The following AGMO variants were observed in gnomAD, a reference collection of about 807,000 sequenced individuals.
AGMO encodes the protein alkylglycerol monooxygenase.
AGMO carries 75 observed loss-of-function variants against 60.2 expected under a neutral mutation model. The ratio of observed to expected loss-of-function variants is 1.25; its 90% CI spans 1.03 to 1.51. The LOEUF is 1.51. AGMO is among the 40% of genes most tolerant of loss of function. The pLI is 0.00. For missense variants in AGMO, 763 were observed against 525.5 expected (o/e 1.45, Z -4.42); for synonymous variants, 261 against 177.1 (o/e 1.47, Z -3.76).
intron 3 of AGMO, among the ~76,000 whole-genome samples, chr7:15,503,131 A>C (rs1783429782): frequency 6.6e-6 from 1 of 152,000 alleles, no homozygotes; most frequent in Admixed American, 6.6e-5. Flanking sequence ...GTATTCATTC[A>C]GTTCTTTCCT....
chr7:15,418,780 T>C (rs1195084733), intron 4 of AGMO, 127 bp from the exon 5 acceptor site: 19 of 595,304 alleles, frequency 3.2e-5, no homozygotes, highest in African/African-American at 1.0e-4. Context: ...GTATATTTTA[T>C]TGCCATGTTT....
intron 12 of AGMO, among the ~76,000 whole-genome samples, chr7:15,267,071 T>C (rs548443677): frequency 2.0e-5 from 3 of 152,162 alleles, no homozygotes; most frequent in African/African-American, 4.8e-5. Flanking sequence ...GAAATCTTCC[T>C]CATTAGAGGC....
chr7:15,246,304 A>G (rs1240741848), intron 12 of AGMO, among the ~76,000 whole-genome samples: 1 of 152,036 alleles, frequency 6.6e-6, no homozygotes, highest in Admixed American at 6.5e-5. Flanking sequence ...TAACTAATGA[A>G]TACATTTGTT....
At chr7:15,218,754 C>T (rs1781825010) in intron 12 of AGMO, among the ~76,000 whole-genome samples, 1 of 152,106 alleles carries the variant, frequency 6.6e-6, no homozygotes, top group Middle Eastern at 3.4e-3. Flanking sequence ...AGATCAGACC[C>T]GAGGTGGCAA....
chr7:15,215,580 G>T (rs1307237531), intron 12 of AGMO, among the ~76,000 whole-genome samples: 1 of 151,932 alleles, frequency 6.6e-6, no homozygotes, highest in East Asian at 1.9e-4. Context: ...ATATTGTTTT[G>T]GTACTATATG....
Position 15,530,660 on chromosome 7 carries a change from C to T in AGMO, c.409+14112G>A, listed in dbSNP as rs192523604. On this transcript the variant is annotated intron_variant, in intron 3 of 12. Coordinates refer to ENST00000342526, the MANE Select transcript of AGMO (RefSeq NM_001004320.2). Reference sequence around the variant, plus strand: ...TATTTCTATATATATATTCTATATACGTATTTCTATATATATATTCTATAT... The same window carrying T: ...TATTTCTATATATATATTCTATATATGTATTTCTATATATATATTCTATAT... 1.7e-3 allele frequency among the ~76,000 whole-genome samples: 211 copies of T among 126,028 alleles called. 11 individuals are homozygous for T. Among genetic ancestry groups the T allele is most frequent in the African/African-American group, 5.8e-3 (197 of 34,188 alleles). The allele number at this position is 126,028 out of a possible 152,430, so 82.7% of individuals were successfully genotyped here. A position where few individuals can be genotyped will look rare whatever the true frequency, so the allele number is the denominator to read the frequency against.
chr7:15,280,559 C>T (rs1299371805), intron 12 of AGMO, among the ~76,000 whole-genome samples: 1 of 152,146 alleles, frequency 6.6e-6, no homozygotes, highest in Non-Finnish European at 1.5e-5. Context: ...AGCTCTACGG[C>T]CCCACCTATA....
chr7:15,168,602 A>C, the AGMO span, among the ~76,000 whole-genome samples: 1 of 152,212 alleles, frequency 6.6e-6, no homozygotes, highest in East Asian at 1.9e-4. Flanking sequence ...TGCATTGGCT[A>C]ATAACATACG....
chr7:15,456,251 C>T (rs893470464), intron 3 of AGMO, among the ~76,000 whole-genome samples: 7 of 152,050 alleles, frequency 4.6e-5, no homozygotes, highest in Non-Finnish European at 8.8e-5. Flanking sequence ...TTTATAAATA[C>T]AATACTACTC....
intron 12 of AGMO, among the ~76,000 whole-genome samples, chr7:15,340,424 CTTACTACATAACAAATTT>C (rs1306003866): frequency 3.9e-5 from 6 of 152,172 alleles, no homozygotes; most frequent in Non-Finnish European, 7.3e-5. Flanking sequence ...CAGAGACAAT[CTTACTACATAACAAATTT>C]TGGGCTTCAT....
chr7:15,276,937 A>T (rs375820631), intron 12 of AGMO, among the ~76,000 whole-genome samples: 45 of 133,870 alleles, frequency 3.4e-4, no homozygotes, highest in African/African-American at 1.0e-3. Context: ...CATTTCCTGG[A>T]TTGCCTTTCT....
chr7:15,548,582 T>C (rs1784856604), intron 2 of AGMO, among the ~76,000 whole-genome samples: 2 of 151,652 alleles, frequency 1.3e-5, no homozygotes, highest in African/African-American at 4.9e-5. Context: ...GAAGATGAAA[T>C]GAATGAAATG....
intron 12 of AGMO, among the ~76,000 whole-genome samples, chr7:15,268,311 T>C (rs1315163282): frequency 6.6e-6 from 1 of 152,034 alleles, no homozygotes; most frequent in Non-Finnish European, 1.5e-5. Flanking sequence ...CCTCTCAAGA[T>C]CATTTATTTC....
chr7:15,245,361 G>A (rs921792787), intron 12 of AGMO, among the ~76,000 whole-genome samples: 1 of 152,112 alleles, frequency 6.6e-6, no homozygotes, highest in Non-Finnish European at 1.5e-5. Context: ...AAATGCTAAG[G>A]ATAGTCTAAA....
At chr7:15,434,599 C>A (rs758624427) in intron 3 of AGMO, among the ~76,000 whole-genome samples, 9 of 152,120 alleles carry the variant, frequency 5.9e-5, no homozygotes, top group Non-Finnish European at 1.2e-4. Context: ...TCATGAAGAA[C>A]TGAATTCTGC....
intron 3 of AGMO, among the ~76,000 whole-genome samples, chr7:15,439,512 T>C (rs535323669): frequency 2.8e-4 from 43 of 152,194 alleles, no homozygotes; most frequent in Admixed American, 1.1e-3. Context: ...CTTTGGGCAG[T>C]TGTGTTTAAC....
chr7:15,432,328 GTATATA>G (rs139554246), intron 3 of AGMO, among the ~76,000 whole-genome samples: 2 of 75,458 alleles, frequency 2.7e-5, no homozygotes, highest in Non-Finnish European at 5.7e-5. Flanking sequence ...GTGTATATAT[GTATATA>G]TATATATATA....
chr7:15,362,752 T>G (rs1782814302), intron 12 of AGMO, among the ~76,000 whole-genome samples: 1 of 152,204 alleles, frequency 6.6e-6, no homozygotes, highest in Non-Finnish European at 1.5e-5. Flanking sequence ...AGGTAAATTA[T>G]TCAAACCACG....
At chr7:15,216,613 A>G (rs981160127) in intron 12 of AGMO, among the ~76,000 whole-genome samples, 2 of 152,174 alleles carry the variant, frequency 1.3e-5, no homozygotes, top group Non-Finnish European at 2.9e-5. Flanking sequence ...TGTCACTAAA[A>G]TTCAATATAA....
Sources: allele counts gnomAD v4.1 joint callset (sites outside exome capture counted in the v4.1 genomes callset), GRCh38; gene constraint gnomAD v4.1.1; transcripts MANE v1.5; gene names NCBI Gene and HGNC (gene_info 2026-07-23, HGNC 2026-07-21).